The following PID1 variants were observed in gnomAD, a reference collection of about 807,000 sequenced individuals.
PID1 encodes PTB-containing, cubilin and LRP1-interacting protein.
PID1 carries 10 observed loss-of-function variants against 19.1 expected under a neutral mutation model. The observed-to-expected ratio is 0.52, with a 90% confidence interval of 0.32 to 0.89. The LOEUF is 0.89. Among genes scored for constraint, PID1 ranks in the 40% least tolerant of loss-of-function variants. PID1 has a pLI of 0.03. For synonymous variants in PID1, 130 were observed against 116.0 expected (o/e 1.12, Z -0.78); for missense variants, 248 against 285.3 (o/e 0.87, Z 0.94).
chr2:229,031,284 G>A (rs993622188), intron 2 of PID1, among the ~76,000 whole-genome samples: 10 of 151,554 alleles, frequency 6.6e-5, no homozygotes, highest in South Asian at 2.1e-4. Context: ...GGGGCTGGGC[G>A]TGGTGGCTCA....
At chr2:229,027,631 G>A (rs1185785810) in intron 2 of PID1, among the ~76,000 whole-genome samples, 1 of 152,136 alleles carries the variant, frequency 6.6e-6, no homozygotes, top group Admixed American at 6.6e-5. Context: ...AAGAGGCATT[G>A]GATTTCAAAA....
At chr2:229,214,445 G>T (rs1304811695) in intron 1 of PID1, among the ~76,000 whole-genome samples, 1 of 152,162 alleles carries the variant, frequency 6.6e-6, no homozygotes, top group Non-Finnish European at 1.5e-5. Context: ...TTAAGAAGTA[G>T]ATCCTGAGGA....
intron 1 of PID1, among the ~76,000 whole-genome samples, chr2:229,231,322 G>C (rs1325502822): frequency 6.6e-6 from 1 of 152,064 alleles, no homozygotes; most frequent in Non-Finnish European, 1.5e-5. Flanking sequence ...TTAGTCTATG[G>C]GGGATTCATC....
intron 1 of PID1, among the ~76,000 whole-genome samples, chr2:229,203,481 T>C (rs1401146530): frequency 6.6e-6 from 1 of 150,742 alleles, no homozygotes; most frequent in East Asian, 2.1e-4. Flanking sequence ...GGTTTTACTA[T>C]ACATCATTTC....
intron 1 of PID1, among the ~76,000 whole-genome samples, chr2:229,159,050 A>G (rs1690441002): frequency 6.6e-6 from 1 of 152,226 alleles, no homozygotes; most frequent in Admixed American, 6.5e-5. Context: ...GTAGGCAATA[A>G]TAACTTAATT....
intron 2 of PID1, among the ~76,000 whole-genome samples, chr2:229,085,332 A>C (rs1694743753): frequency 6.6e-6 from 1 of 152,158 alleles, no homozygotes; most frequent in Admixed American, 6.6e-5. Context: ...AGTCCATGAA[A>C]GATCTCATCA....
At chr2:229,045,657 A>G (rs1479727087) in intron 2 of PID1, among the ~76,000 whole-genome samples, 1 of 152,234 alleles carries the variant, frequency 6.6e-6, no homozygotes, top group African/African-American at 2.4e-5. Context: ...TGGGCTATAC[A>G]ACAAAACAGA....
chr2:229,060,149 T>C (rs765090863), intron 2 of PID1, among the ~76,000 whole-genome samples: 1 of 152,130 alleles, frequency 6.6e-6, no homozygotes, highest in Non-Finnish European at 1.5e-5. Flanking sequence ...AGTCTACTTT[T>C]TTAGCCATTT....
intron 2 of PID1, among the ~76,000 whole-genome samples, chr2:229,153,281 C>T (rs902923481): frequency 1.3e-5 from 2 of 152,168 alleles, no homozygotes; most frequent in Non-Finnish European, 2.9e-5. Flanking sequence ...TGGAGAATTA[C>T]ACGTTGCAGG....
At chr2:229,079,569 A>T (rs771156175) in intron 2 of PID1, among the ~76,000 whole-genome samples, 7 of 152,198 alleles carry the variant, frequency 4.6e-5, no homozygotes, top group Admixed American at 6.5e-5. Flanking sequence ...GGCATGAGCC[A>T]CTATTAAGTG....
At chr2:229,197,928 C>A (rs887343547) in intron 1 of PID1, among the ~76,000 whole-genome samples, 2 of 151,936 alleles carry the variant, frequency 1.3e-5, no homozygotes, top group Non-Finnish European at 2.9e-5. Context: ...AAAAACTCAA[C>A]CAATTTAACA....
chr2:229,233,374 T>C (rs981400013), intron 1 of PID1, among the ~76,000 whole-genome samples: 3 of 151,956 alleles, frequency 2.0e-5, no homozygotes, highest in Non-Finnish European at 2.9e-5. Flanking sequence ...AACTACTTAA[T>C]AGTTCTAGAT....
intron 2 of PID1, among the ~76,000 whole-genome samples, chr2:229,050,774 C>T (rs6436834): frequency 0.52 from 79,505 of 151,954 alleles, 21,571 homozygotes; most frequent in East Asian, 0.67. Context: ...TTCTAGTAAA[C>T]AAGCCATGAT....
At chr2:229,075,347 T>C (rs1250773250) in intron 2 of PID1, among the ~76,000 whole-genome samples, 1 of 152,204 alleles carries the variant, frequency 6.6e-6, no homozygotes, top group African/African-American at 2.4e-5. Context: ...TTATCTACAT[T>C]AGTATTCTAA....
At position 229,163,674 on chromosome 2, in the gene PID1, T is replaced by TGTGCGCGC. The variant is rs374622113; in HGVS notation, c.31-7711_31-7710insGCGCGCAC. 1.3e-3 allele frequency among the ~76,000 whole-genome samples: 124 copies of TGTGCGCGC among 94,484 alleles called. No individual in the cohort carries two copies. The South Asian group carries it at 0.019, about 14-fold the overall frequency. The allele number at this position is 94,484 out of a possible 152,430, so 62.0% of individuals were successfully genotyped here. A position where few individuals can be genotyped will look rare whatever the true frequency, so the allele number is the denominator to read the frequency against. ...GAGTGTGTGTGTGTGTGTGTGTGTG[T>TGTGCGCGC]GCGTGTGCGTGTGTGTGTGTGTATA... On this transcript the variant is annotated intron_variant, in intron 1 of 2. Coordinates refer to ENST00000392055, the MANE Select transcript of PID1 (RefSeq NM_001100818.2).
At chr2:229,113,396 T>A (rs1263860763) in intron 2 of PID1, among the ~76,000 whole-genome samples, 2 of 142,254 alleles carry the variant, frequency 1.4e-5, no homozygotes, top group African/African-American at 5.4e-5. Context: ...TTATATATAT[T>A]TATATATATA....
chr2:229,190,598 G>A (rs1301202000), intron 1 of PID1, among the ~76,000 whole-genome samples: 1 of 152,236 alleles, frequency 6.6e-6, no homozygotes, highest in Non-Finnish European at 1.5e-5. Flanking sequence ...TGCCTGTTGA[G>A]AGGCAGGAGA....
At chr2:229,190,204 T>G (rs2106230415) in intron 1 of PID1, among the ~76,000 whole-genome samples, 1 of 152,342 alleles carries the variant, frequency 6.6e-6, no homozygotes, top group East Asian at 1.9e-4. Flanking sequence ...ATGTATTACC[T>G]AACAAGATGT....
At chr2:229,090,951 T>G (rs1271921835) in intron 2 of PID1, among the ~76,000 whole-genome samples, 1 of 152,206 alleles carries the variant, frequency 6.6e-6, no homozygotes, top group Non-Finnish European at 1.5e-5. Flanking sequence ...GTTCCTCTAT[T>G]GTTTACCACG....
Sources: gnomAD v4.1 joint callset for allele counts (sites outside exome capture counted in the v4.1 genomes callset) on GRCh38, gnomAD v4.1.1 for gene constraint, MANE v1.5 for transcripts, NCBI Gene and HGNC (gene_info 2026-07-23, HGNC 2026-07-21) for gene names.